NXPH1: variants seen among roughly 807,000 people sequenced by gnomAD.
NXPH1 encodes neurexophilin 1, also known as neurexophilin-1.
A neutral mutation model predicts 23.7 loss-of-function variants in NXPH1; 5 were observed. That is an observed-to-expected ratio of 0.21 (90% CI 0.11 to 0.44). The LOEUF is 0.44. Ranked by LOEUF, NXPH1 falls within the 20% of genes least tolerant of loss-of-function variation. NXPH1 has a pLI of 0.99. For missense variants in NXPH1, 324 were observed against 321.6 expected, an observed-to-expected ratio of 1.01 and a Z score of -0.06; for synonymous variants, 144 against 122.2, an observed-to-expected ratio of 1.18 and a Z score of -1.18.
chr7:8,515,679 C>G (rs1817676378), intron 2 of NXPH1, among the ~76,000 whole-genome samples: 1 of 152,040 alleles, frequency 6.6e-6, no homozygotes, highest in South Asian at 2.1e-4. Context: ...TAAATAAGAC[C>G]TAATGCATAA....
chr7:8,638,245 G>A (rs1041935327), intron 2 of NXPH1, among the ~76,000 whole-genome samples: 2 of 152,114 alleles, frequency 1.3e-5, no homozygotes, highest in African/African-American at 2.4e-5. Flanking sequence ...AAACACCTCG[G>A]CAACCACATC....
At chr7:8,536,580 AAGG>A (rs1287554365) in intron 2 of NXPH1, among the ~76,000 whole-genome samples, 1 of 148,898 alleles carries the variant, frequency 6.7e-6, no homozygotes, top group Non-Finnish European at 1.5e-5. Context: ...AAACTACAGA[AAGG>A]AGGCTATTGT....
intron 2 of NXPH1, among the ~76,000 whole-genome samples, chr7:8,561,227 G>A (rs1427520536): frequency 1.3e-5 from 2 of 151,434 alleles, no homozygotes; most frequent in Non-Finnish European, 3.0e-5. Flanking sequence ...ATTCTAGCAA[G>A]GAGATTTGGT....
chr7:8,498,922 T>C (rs1488288847), intron 2 of NXPH1, among the ~76,000 whole-genome samples: 2 of 152,048 alleles, frequency 1.3e-5, no homozygotes, highest in African/African-American at 4.8e-5. Flanking sequence ...TTTGAGAATT[T>C]AACTCTGATT....
intron 2 of NXPH1, among the ~76,000 whole-genome samples, chr7:8,640,601 A>G (rs953626024): frequency 6.6e-6 from 1 of 152,018 alleles, no homozygotes. Flanking sequence ...ATTATTTTTT[A>G]TGTGATGGTC....
chr7:8,655,475 C>CACACACAT (rs1223186294), intron 2 of NXPH1, among the ~76,000 whole-genome samples: 1 of 135,038 alleles, frequency 7.4e-6, no homozygotes, highest in African/African-American at 2.7e-5. Flanking sequence ...CACACACACA[C>CACACACAT]ACACACATCA....
chr7:8,742,182 C>G (rs1411135093), intron 2 of NXPH1, among the ~76,000 whole-genome samples: 1 of 152,022 alleles, frequency 6.6e-6, no homozygotes. Flanking sequence ...AAGTCTATGG[C>G]CAGTAAAGAC....
chr7:8,671,849 G>C (rs915526386), intron 2 of NXPH1, among the ~76,000 whole-genome samples: 4 of 152,192 alleles, frequency 2.6e-5, no homozygotes, highest in Admixed American at 6.5e-5. Flanking sequence ...CTGATGGCTA[G>C]TGATGATGAG....
rs536143871 is a variant in NXPH1 at position 8,435,607 on chromosome 7, G to A, written c.-107G>A. On this transcript the variant is annotated 5_prime_UTR_variant, in exon 2 of 3. Coordinates refer to ENST00000405863, the MANE Select transcript of NXPH1 (RefSeq NM_152745.3). The surrounding 1 kb of genome is among the most constrained non-coding windows in gnomAD (Gnocchi z 5.9). ...GTCTAATTTTATTTGCATCTAGGCT[G>A]CTGAGAGCGCTCCTTGCTCTGTAAA... The A allele has an allele frequency of 5.2e-5, 52 of 1,004,104 alleles. No homozygotes were observed. The South Asian group carries it at 6.3e-4, about 12-fold the overall frequency. 62.2% of individuals were successfully genotyped at this position (1,004,104 alleles called of 1,614,324 possible). A position where few individuals can be genotyped will look rare whatever the true frequency, so the allele number is the denominator to read the frequency against.
At chr7:8,461,767 T>C (rs1301658772) in intron 2 of NXPH1, among the ~76,000 whole-genome samples, 1 of 146,798 alleles carries the variant, frequency 6.8e-6, no homozygotes, top group Non-Finnish European at 1.5e-5. Flanking sequence ...GAGGCGGAGC[T>C]TGCAGTGAGC....
intron 2 of NXPH1, among the ~76,000 whole-genome samples, chr7:8,681,915 T>G (rs1821055671): frequency 6.6e-6 from 1 of 152,258 alleles, no homozygotes; most frequent in East Asian, 1.9e-4. Flanking sequence ...GAAACTGAGC[T>G]TTGCCCCTTT....
chr7:8,478,907 A>G (rs1178860630), intron 2 of NXPH1, among the ~76,000 whole-genome samples: 2 of 152,124 alleles, frequency 1.3e-5, no homozygotes, highest in Non-Finnish European at 2.9e-5. Context: ...ACTGACTTAC[A>G]AGTATAAAGG....
At chr7:8,722,934 A>G (rs1368049581) in intron 2 of NXPH1, among the ~76,000 whole-genome samples, 1 of 152,214 alleles carries the variant, frequency 6.6e-6, no homozygotes, top group Non-Finnish European at 1.5e-5. Context: ...GATTTTCATG[A>G]CACAACCACA....
chr7:8,672,002 C>T (rs1426094600), intron 2 of NXPH1, among the ~76,000 whole-genome samples: 1 of 152,028 alleles, frequency 6.6e-6, no homozygotes, highest in Non-Finnish European at 1.5e-5. Flanking sequence ...GATATTAGCC[C>T]TTTGTCAGAT....
At chr7:8,587,495 TA>T (rs1468266052) in intron 2 of NXPH1, among the ~76,000 whole-genome samples, 8 of 152,218 alleles carry the variant, frequency 5.3e-5, no homozygotes, top group African/African-American at 1.9e-4. Flanking sequence ...ATAATCTTTT[TA>T]AAATTATACT....
At chr7:8,636,622 G>C (rs1309061589) in intron 2 of NXPH1, among the ~76,000 whole-genome samples, 1 of 152,204 alleles carries the variant, frequency 6.6e-6, no homozygotes, top group African/African-American at 2.4e-5. Flanking sequence ...TGCAAGCTAA[G>C]GGGAATCATG....
intron 2 of NXPH1, among the ~76,000 whole-genome samples, chr7:8,708,517 T>C (rs1779738143): frequency 6.6e-6 from 1 of 151,906 alleles, no homozygotes; most frequent in Non-Finnish European, 1.5e-5. Flanking sequence ...CCTGCCACCA[T>C]GCCTGGCTAA....
intron 2 of NXPH1, among the ~76,000 whole-genome samples, chr7:8,490,169 G>A (rs919528404): frequency 6.6e-6 from 1 of 151,946 alleles, no homozygotes; most frequent in South Asian, 2.1e-4. Context: ...ATATTTAAAT[G>A]CTTTTCTGCT....
chr7:8,538,208 A>T (rs1563339528), intron 2 of NXPH1, among the ~76,000 whole-genome samples: 1 of 151,952 alleles, frequency 6.6e-6, no homozygotes, highest in Non-Finnish European at 1.5e-5. Flanking sequence ...ATTAAATGTC[A>T]TGTGACTTGC....
Sources: gnomAD v4.1 joint callset for allele counts (sites outside exome capture counted in the v4.1 genomes callset) on GRCh38, gnomAD v4.1.1 for gene constraint, Gnocchi (gnomAD v3.1) non-coding constraint, MANE v1.5 for transcripts, NCBI Gene and HGNC (gene_info 2026-07-23, HGNC 2026-07-21) for gene names.